The following ASB5 variants were observed in gnomAD, a reference collection of about 807,000 sequenced individuals.
ASB5 encodes the protein ankyrin repeat and SOCS box containing 5.
ASB5 carries 45 observed loss-of-function variants against 42.1 expected under a neutral mutation model. The ratio of observed to expected loss-of-function variants is 1.07; its 90% CI spans 0.84 to 1.37. ASB5 has a LOEUF of 1.37. Among genes scored for constraint, ASB5 ranks in the 40% most tolerant of loss-of-function variants. ASB5 has a pLI of 0.00. For synonymous variants in ASB5, 147 were observed against 150.6 expected, an observed-to-expected ratio of 0.98 and a Z score of 0.18; for missense variants, 402 against 399.8, an observed-to-expected ratio of 1.01 and a Z score of -0.05.
At chr4:176,228,409 G>C (rs1457522982) in intron 1 of ASB5, among the ~76,000 whole-genome samples, 1 of 152,150 alleles carries the variant, frequency 6.6e-6, no homozygotes, top group Non-Finnish European at 1.5e-5. Context: ...TCTTGCATGG[G>C]TGTTTATCTT....
intron 2 of ASB5, among the ~76,000 whole-genome samples, chr4:176,224,221 A>ATT (rs869080360): frequency 0.23 from 19,908 of 86,792 alleles, 5,122 homozygotes; most frequent in East Asian, 0.42. Flanking sequence ...TGTGCATTTG[A>ATT]TTTTTTTTTT....
intron 1 of ASB5, chr4:176,249,580 G>A (rs528758446): frequency 6.6e-6 from 1 of 152,214 alleles, no homozygotes; most frequent in Admixed American, 6.5e-5. Flanking sequence ...AGGGTAATAA[G>A]AGACTTCAGT....
intron 1 of ASB5, chr4:176,275,974 A>C (rs539206828): frequency 1.3e-5 from 2 of 152,316 alleles, no homozygotes; most frequent in South Asian, 4.1e-4. Context: ...GGGATAAAAT[A>C]ATATGTGAAA....
At position 176,222,383 on chromosome 4, in the gene ASB5, G is replaced by T. The variant is rs1248741636; in HGVS notation, c.314C>A (p.Thr105Asn). Residue 105 changes from threonine to asparagine, a missense_variant, in exon 3 of 7, where the codon ACC becomes AAC. Transcript: ENST00000296525. ...NVNAVTLDHV[T>N]PLHEACLGDH... ...TCCAAGGCAGGCTTCGTGCAATGGGGTGACATGGTCTAAGGTTACTGCATT... is the reference window on the plus strand; with the variant it reads ...TCCAAGGCAGGCTTCGTGCAATGGGTTGACATGGTCTAAGGTTACTGCATT... 6.2e-7 allele frequency: 1 copy of T among 1,613,696 alleles called. No homozygotes were observed. Among genetic ancestry groups the T allele is most frequent in the Admixed American group, 1.7e-5 (1 of 59,908 alleles).
At chr4:176,249,321 C>T (rs925376949) in intron 1 of ASB5, among the ~76,000 whole-genome samples, 1 of 152,172 alleles carries the variant, frequency 6.6e-6, no homozygotes, top group South Asian at 2.1e-4. Context: ...AAAGTTCTGA[C>T]CATTTTTCCC....
At chr4:176,252,936 G>A (rs1429361823) in intron 1 of ASB5, among the ~76,000 whole-genome samples, 2 of 152,182 alleles carry the variant, frequency 1.3e-5, no homozygotes, top group Non-Finnish European at 2.9e-5. Flanking sequence ...GCACAGTTAT[G>A]AGGATTATGG....
intron 1 of ASB5, among the ~76,000 whole-genome samples, chr4:176,258,416 C>G (rs1250321664): frequency 3.3e-5 from 5 of 152,170 alleles, no homozygotes; most frequent in Non-Finnish European, 5.9e-5. Flanking sequence ...TTTATTCATT[C>G]TACAACCATT....
At position 176,215,362 on chromosome 4, in the gene ASB5, G is replaced by A. The variant is rs574994845; in HGVS notation, c.*238C>T. 6.1e-5 allele frequency: 18 copies of A among 294,892 alleles called. No homozygotes were observed. In the East Asian group the frequency reaches 9.8e-4, roughly 16 times the overall value. 18.3% of individuals were successfully genotyped at this position (294,892 alleles called of 1,614,324 possible). A position where few individuals can be genotyped will look rare whatever the true frequency, so the allele number is the denominator to read the frequency against. ...TTATTATTTTTTCCTGAATAAACAG[G>A]AGGGTATATTGAAATAACAAAAAAT... On this transcript the variant is annotated 3_prime_UTR_variant, in exon 7 of 7. Coordinates refer to ENST00000296525, the MANE Select transcript of ASB5 (RefSeq NM_080874.4).
intron 2 of ASB5, among the ~76,000 whole-genome samples, chr4:176,222,989 A>G (rs1753266346): frequency 6.6e-6 from 1 of 152,124 alleles, no homozygotes. Flanking sequence ...TGTGTTAGCC[A>G]GGATGGTCTT....
chr4:176,275,524 T>C (rs1200036766), intron 2 of ASB5, among the ~76,000 whole-genome samples: 1 of 152,206 alleles, frequency 6.6e-6, no homozygotes, highest in Non-Finnish European at 1.5e-5. Flanking sequence ...TACTAGTACA[T>C]AGTTCACCTT....
intron 5 of ASB5, 93 bp downstream of exon 5, chr4:176,221,062 C>A: frequency 7.3e-7 from 1 of 1,372,782 alleles, no homozygotes; most frequent in Non-Finnish European, 9.7e-7. Flanking sequence ...CATTTTTTAG[C>A]AATGAGATCT....
intron 1 of ASB5, among the ~76,000 whole-genome samples, chr4:176,226,434 G>T (rs752873522): frequency 1.3e-5 from 2 of 152,068 alleles, no homozygotes; most frequent in African/African-American, 2.4e-5. Flanking sequence ...TACTTGGACT[G>T]AGCCACGCTA....
At chr4:176,271,571 GATCA>G (rs1276263836), upstream of ASB5, among the ~76,000 whole-genome samples, 29 of 152,076 alleles carry the variant, frequency 1.9e-4, no homozygotes, top group African/African-American at 7.0e-4. Context: ...TGTTAGCTTC[GATCA>G]ATCAGTCAAA....
At chr4:176,226,464 G>T (rs577138700) in intron 1 of ASB5, among the ~76,000 whole-genome samples, 1 of 152,260 alleles carries the variant, frequency 6.6e-6, no homozygotes, top group African/African-American at 2.4e-5. Context: ...AGGGTCTCCA[G>T]CTTGCAGACA....
intron 1 of ASB5, among the ~76,000 whole-genome samples, chr4:176,257,776 G>A (rs1754182858): frequency 6.6e-6 from 1 of 152,206 alleles, no homozygotes; most frequent in Non-Finnish European, 1.5e-5. Context: ...TTTATTCGGT[G>A]AGAAAGACCA....
rs534419551 is a variant in ASB5, at chr4:176,247,201, A to T, written c.196+21712T>A. ...TTGGGAGATATTCAATAAAACCTAT[A>T]TAAATGAGAAACTATATTACATTTA... is the stretch of plus-strand genomic sequence containing the variant. On this transcript the variant is annotated intron_variant, in intron 1 of 6. Transcript: ENST00000296525. Among the ~76,000 whole-genome samples, 5 of 152,306 alleles carry T rather than the reference A, an allele frequency of 3.3e-5. No homozygotes were observed. The South Asian group carries it at 1.0e-3, about 32-fold the overall frequency.
chr4:176,262,194 A>G (rs1302777861), intron 1 of ASB5, among the ~76,000 whole-genome samples: 2 of 152,216 alleles, frequency 1.3e-5, no homozygotes, highest in East Asian at 3.8e-4. Flanking sequence ...TTTACTATGT[A>G]AAAAATTTTA....
At chr4:176,221,062 C>T in intron 5 of ASB5, 93 bp downstream of exon 5, 1 of 1,372,782 alleles carries the variant, frequency 7.3e-7, no homozygotes, top group South Asian at 1.8e-5. Flanking sequence ...CATTTTTTAG[C>T]AATGAGATCT....
chr4:176,263,657 A>G (rs1331116759), intron 1 of ASB5, among the ~76,000 whole-genome samples: 3 of 152,178 alleles, frequency 2.0e-5, no homozygotes, highest in Non-Finnish European at 4.4e-5. Flanking sequence ...CCTTTATATA[A>G]TAAAGATATT....
Sources: allele counts gnomAD v4.1 joint callset (sites outside exome capture counted in the v4.1 genomes callset), GRCh38; gene constraint gnomAD v4.1.1; transcripts MANE v1.5; gene names NCBI Gene and HGNC (gene_info 2026-07-23, HGNC 2026-07-21).